RAB31: variants seen among roughly 807,000 people sequenced by gnomAD.
RAB31 encodes the protein RAB31, member RAS oncogene family, also known as ras-related protein Rab-31.
Under a neutral mutation model 25.6 loss-of-function variants are expected in RAB31, and 21 were observed. The ratio of observed to expected loss-of-function variants is 0.82; its 90% CI spans 0.58 to 1.18. RAB31 has a LOEUF of 1.18. RAB31 is among the 50% of genes most tolerant of loss of function. The probability of loss-of-function intolerance (pLI) is 0.00; values close to 1 mark genes in which losing one functional copy is unlikely to be tolerated. For missense variants in RAB31, 196 were observed against 250.1 expected, an observed-to-expected ratio of 0.78 and a Z score of 1.46; for synonymous variants, 87 against 84.0, an observed-to-expected ratio of 1.04 and a Z score of -0.20.
chr18:9,829,324 G>A (rs2068665816), intron 5 of RAB31, among the ~76,000 whole-genome samples: 2 of 152,204 alleles, frequency 1.3e-5, no homozygotes, highest in South Asian at 4.1e-4. Flanking sequence ...GAGACTGTAT[G>A]TGTCACGTGA....
intron 1 of RAB31, among the ~76,000 whole-genome samples, chr18:9,743,347 A>G (rs1357870933): frequency 6.6e-6 from 1 of 152,242 alleles, no homozygotes; most frequent in Non-Finnish European, 1.5e-5. Context: ...TAATACCTGG[A>G]TTATAAACAT....
chr18:9,859,985 A>C lies in RAB31; in HGVS notation c.*660A>C, dbSNP rs1364090833. On this transcript the variant is annotated 3_prime_UTR_variant, in exon 7 of 7. Coordinates refer to ENST00000578921, the MANE Select transcript of RAB31 (RefSeq NM_006868.4). The stretch of plus-strand genomic sequence containing the variant: ...ATGGTCATATATACCCAAACAAACC[A>C]AATCAAACTAAATTACTGCATATAA... 1 of 152,216 alleles carries C rather than the reference A, an allele frequency of 6.6e-6. No homozygotes were observed. The highest frequency in any genetic ancestry group is 1.5e-5 in the Non-Finnish European group (1 of 68,028). The allele number at this position is 152,216 out of a possible 1,614,324, so 9.4% of individuals were successfully genotyped here. A position where few individuals can be genotyped will look rare whatever the true frequency, so the allele number is the denominator to read the frequency against.
intron 5 of RAB31, among the ~76,000 whole-genome samples, chr18:9,816,590 C>A (rs144967743): frequency 7.9e-4 from 121 of 152,238 alleles, no homozygotes; most frequent in African/African-American, 2.8e-3. Flanking sequence ...AATCAGAATA[C>A]GACACATTGT....
chr18:9,749,433 C>T (rs928862378), intron 1 of RAB31, among the ~76,000 whole-genome samples: 5 of 152,200 alleles, frequency 3.3e-5, no homozygotes, highest in African/African-American at 1.2e-4. Flanking sequence ...TTCCAGAGCC[C>T]AGGCTCTCAC....
intron 5 of RAB31, among the ~76,000 whole-genome samples, chr18:9,835,174 A>T (rs1260889388): frequency 1.3e-5 from 2 of 152,178 alleles, no homozygotes; most frequent in Non-Finnish European, 2.9e-5. Flanking sequence ...CTTCTGACCT[A>T]AGTGGTCTAT....
Position 9,853,962 on chromosome 18 carries a change from T to TG in RAB31, c.491-5266_491-5265insG, listed in dbSNP as rs1568197054. Among the ~76,000 whole-genome samples, 295 of 117,916 alleles carry TG rather than the reference T, an allele frequency of 2.5e-3. 1 individual carries two copies. Among genetic ancestry groups the TG allele is most frequent in the African/African-American group, 7.0e-3 (266 of 37,862 alleles). The allele number at this position is 117,916 out of a possible 152,430, so 77.4% of individuals were successfully genotyped here. On this transcript the variant is annotated intron_variant, in intron 6 of 6. Transcript: ENST00000578921. ...TTTCTTTTTTTCTTTTCTTTTCTTT[T>TG]CTTTTTTTTTTTTTTTAACTTTAAA...
intron 1 of RAB31, among the ~76,000 whole-genome samples, chr18:9,748,381 C>T (rs11081498): frequency 0.23 from 34,971 of 151,762 alleles, 4,581 homozygotes; most frequent in Admixed American, 0.3. Context: ...TGGCATGGAC[C>T]GGTAGTCCCA....
In RAB31 at chr18:9,861,889, A is replaced by G. The variant is rs1181463645; in HGVS notation, c.*2564A>G. ...TAATATAAAGTAGGCATGGCTTCCC[A>G]ATGGAAATCTCTGAGAATGACAGTG... On this transcript the variant is annotated 3_prime_UTR_variant, in exon 7 of 7. Transcript: ENST00000578921. 6.6e-6 allele frequency: 1 copy of G among 152,612 alleles called. No individual in the cohort carries two copies. The highest frequency in any genetic ancestry group is 1.5e-5 in the Non-Finnish European group (1 of 68,040). The allele number at this position is 152,612 out of a possible 1,614,324, so 9.5% of individuals were successfully genotyped here. A position where few individuals can be genotyped will look rare whatever the true frequency, so the allele number is the denominator to read the frequency against.
intron 3 of RAB31, among the ~76,000 whole-genome samples, chr18:9,795,247 G>A (rs571532584): frequency 5.3e-5 from 8 of 152,264 alleles, no homozygotes; most frequent in Non-Finnish European, 1.2e-4. Flanking sequence ...AATGCAAGAT[G>A]GATCAAAGAC....
At chr18:9,796,832 C>T (rs979410708) in intron 3 of RAB31, among the ~76,000 whole-genome samples, 9 of 151,952 alleles carry the variant, frequency 5.9e-5, no homozygotes, top group Non-Finnish European at 1.3e-4. Context: ...AGGGTTAAAT[C>T]AATAATCCTG....
At chr18:9,745,744 T>C (rs562224650) in intron 1 of RAB31, among the ~76,000 whole-genome samples, 7 of 152,304 alleles carry the variant, frequency 4.6e-5, no homozygotes, top group South Asian at 4.1e-4. Flanking sequence ...TCTTTCATGA[T>C]GAAACCACTC....
At chr18:9,794,623 T>C (rs1478677665) in intron 3 of RAB31, among the ~76,000 whole-genome samples, 1 of 152,150 alleles carries the variant, frequency 6.6e-6, no homozygotes, top group Admixed American at 6.5e-5. Flanking sequence ...GAGACCAGCC[T>C]GGCCAATATG....
At chr18:9,714,957 G>T (rs1568159989) in intron 1 of RAB31, among the ~76,000 whole-genome samples, 1 of 152,222 alleles carries the variant, frequency 6.6e-6, no homozygotes, top group South Asian at 2.1e-4. Flanking sequence ...GGGACAGAAA[G>T]TTCTTGCTCC....
intron 5 of RAB31, among the ~76,000 whole-genome samples, chr18:9,841,538 CAAA>C (rs56283904): frequency 6.9e-5 from 7 of 100,854 alleles, no homozygotes; most frequent in African/African-American, 1.1e-4. Context: ...GACTCTGTCT[CAAA>C]AAAAAAAAAA....
chr18:9,845,442 T>C, intron 5 of RAB31, 140 bp from the exon 6 acceptor site: 1 of 689,916 alleles, frequency 1.4e-6, no homozygotes, highest in East Asian at 3.3e-5. Flanking sequence ...ATACTAGGTG[T>C]CCATTCTTGC....
intron 3 of RAB31, among the ~76,000 whole-genome samples, chr18:9,802,946 C>G (rs2068521351): frequency 6.6e-6 from 1 of 152,216 alleles, no homozygotes; most frequent in Non-Finnish European, 1.5e-5. Context: ...TTAGTAAAGT[C>G]AGAGGAAATT....
intron 1 of RAB31, among the ~76,000 whole-genome samples, chr18:9,715,319 G>A (rs2068038402): frequency 6.6e-6 from 1 of 151,968 alleles, no homozygotes; most frequent in Non-Finnish European, 1.5e-5. Flanking sequence ...TTCTGGCACA[G>A]TCCCTCCCCT....
chr18:9,791,688 G>A (rs2068461018), intron 2 of RAB31, among the ~76,000 whole-genome samples: 1 of 152,122 alleles, frequency 6.6e-6, no homozygotes, highest in Non-Finnish European at 1.5e-5. Flanking sequence ...CTGCCTCCTG[G>A]TTTCAAGCAA....
chr18:9,737,183 C>T (rs1297830646), intron 1 of RAB31, among the ~76,000 whole-genome samples: 1 of 152,160 alleles, frequency 6.6e-6, no homozygotes, highest in Non-Finnish European at 1.5e-5. Context: ...TCAGATACCA[C>T]AAAAAGCACA....
Sources: gnomAD v4.1 joint callset for allele counts (sites outside exome capture counted in the v4.1 genomes callset) on GRCh38, gnomAD v4.1.1 for gene constraint, MANE v1.5 for transcripts, NCBI Gene and HGNC (gene_info 2026-07-23, HGNC 2026-07-21) for gene names.